The following CCDC30 variants were observed in gnomAD, a reference collection of about 807,000 sequenced individuals.
CCDC30 encodes coiled-coil domain-containing protein 30.
A neutral mutation model predicts 100.2 loss-of-function variants in CCDC30; 70 were observed. That is an observed-to-expected ratio of 0.70 (90% CI 0.58 to 0.85). The LOEUF (loss-of-function observed/expected upper bound fraction) is 0.85. Ranked by LOEUF, CCDC30 falls within the 40% of genes least tolerant of loss-of-function variation. The probability of loss-of-function intolerance (pLI) is 0.00; values close to 1 mark genes in which losing one functional copy is unlikely to be tolerated. For synonymous variants in CCDC30, 233 were observed against 269.5 expected (o/e 0.86, Z 1.33); for missense variants, 652 against 771.2 (o/e 0.85, Z 1.83).
chr1:42,493,035 C>G (rs1454882890), intron 4 of CCDC30, among the ~76,000 whole-genome samples: 2 of 151,960 alleles, frequency 1.3e-5, no homozygotes, highest in East Asian at 3.8e-4. Context: ...AATGAAAATG[C>G]AACAATATCA....
At chr1:42,558,839 T>A (rs559329693) in intron 6 of CCDC30, among the ~76,000 whole-genome samples, 1 of 152,230 alleles carries the variant, frequency 6.6e-6, no homozygotes, top group African/African-American at 2.4e-5. Flanking sequence ...CCAAGACACA[T>A]AATCATCAGA....
At chr1:42,539,392 C>A in intron 6 of CCDC30, 82 bp downstream of exon 8, 1 of 1,277,774 alleles carries the variant, frequency 7.8e-7, no homozygotes, top group Non-Finnish European at 1.1e-6. Context: ...TAATTTTAAG[C>A]AACAGATGAT....
In CCDC30 at chr1:42,514,598, T is replaced by G. The variant is rs145976194; in HGVS notation, c.456+15682T>G. Reference sequence around the variant, plus strand: ...ATTTTAATGGAGTTATTTATTCTTTTTGTTGAGTCTCAGGAGCTCTTTATA... The same window carrying G: ...ATTTTAATGGAGTTATTTATTCTTTGTGTTGAGTCTCAGGAGCTCTTTATA... On this transcript the variant is annotated intron_variant, in intron 6 of 16. Transcript: ENST00000668663. Among the ~76,000 whole-genome samples the G allele has an allele frequency of 2.3e-3, 345 of 152,318 alleles. 2 individuals carry two copies. Among genetic ancestry groups the G allele is most frequent in the African/African-American group, 8.0e-3 (332 of 41,574 alleles).
Position 42,589,498 on chromosome 1 carries a change from A to T in CCDC30, c.1164+15A>T. On this transcript the variant is annotated intron_variant, in intron 10 of 16. Transcript: ENST00000668663. ...AATATGATGAGGTAAGAAAGTAAATAGACATGCTTCTCAGTTTTCCTATTC... is the reference window on the plus strand; with the variant it reads ...AATATGATGAGGTAAGAAAGTAAATTGACATGCTTCTCAGTTTTCCTATTC... 5 of 1,606,192 alleles carry T rather than the reference A, an allele frequency of 3.1e-6. No individual in the cohort carries two copies. The highest frequency in any genetic ancestry group is 4.3e-6 in the Non-Finnish European group (5 of 1,173,690).
At chr1:42,461,799 C>A (rs1643420244), upstream of CCDC30, among the ~76,000 whole-genome samples, 1 of 152,122 alleles carries the variant, frequency 6.6e-6, no homozygotes, top group Admixed American at 6.6e-5. Context: ...CCCGCCCCGG[C>A]CTTCCAAAGT....
At chr1:42,576,914 G>A (rs1645849568) in intron 7 of CCDC30, 106 bp from the exon 12 acceptor site, 1 of 748,664 alleles carries the variant, frequency 1.3e-6, no homozygotes, top group Non-Finnish European at 2.2e-6. Flanking sequence ...TGTGACATTG[G>A]TATTTGTTGG....
chr1:42,477,096 C>G (rs1017474589), intron 1 of CCDC30, among the ~76,000 whole-genome samples: 28 of 151,166 alleles, frequency 1.9e-4, no homozygotes, highest in Non-Finnish European at 3.7e-4. Context: ...TTTTTTTCCC[C>G]CCTCTACAAA....
At chr1:42,491,485 AG>A (rs1241361568) in intron 4 of CCDC30, among the ~76,000 whole-genome samples, 1 of 148,002 alleles carries the variant, frequency 6.8e-6, no homozygotes, top group East Asian at 2.0e-4. Flanking sequence ...TTTCAGTGGG[AG>A]GTGGGGAATG....
intron 6 of CCDC30, among the ~76,000 whole-genome samples, chr1:42,528,090 T>C (rs554495176): frequency 1.9e-4 from 29 of 152,214 alleles, no homozygotes; most frequent in African/African-American, 7.0e-4. Context: ...GGTCTCGAAC[T>C]CCTGACCTCA....
chr1:42,641,954 G>GCA (rs1557487462), intron 12 of CCDC30, among the ~76,000 whole-genome samples: 5 of 152,132 alleles, frequency 3.3e-5, no homozygotes, highest in Non-Finnish European at 5.9e-5. Context: ...GGCTGGGCAT[G>GCA]GTGGCTCACG....
At chr1:42,502,703 C>G (rs182071383) in intron 6 of CCDC30, among the ~76,000 whole-genome samples, 83 of 152,270 alleles carry the variant, frequency 5.5e-4, no homozygotes, top group Non-Finnish European at 9.7e-4. Context: ...TACCTGCCCC[C>G]TCCCCCCAGC....
At chr1:42,499,202 T>G (rs1644270646) in intron 6 of CCDC30, among the ~76,000 whole-genome samples, 1 of 152,174 alleles carries the variant, frequency 6.6e-6, no homozygotes. Context: ...CATGGAGAAC[T>G]AATAAGATGT....
chr1:42,488,960 G>T (rs2148464064), intron 3 of CCDC30, among the ~76,000 whole-genome samples: 1 of 152,262 alleles, frequency 6.6e-6, no homozygotes, highest in South Asian at 2.1e-4. Context: ...AGACCAGGCA[G>T]TATTAGACTA....
intron 6 of CCDC30, among the ~76,000 whole-genome samples, chr1:42,561,171 C>T (rs890452554): frequency 2.6e-5 from 4 of 152,174 alleles, no homozygotes; most frequent in African/African-American, 9.7e-5. Flanking sequence ...AACTTCAGGC[C>T]AATATCCCTG....
intron 11 of CCDC30, among the ~76,000 whole-genome samples, chr1:42,615,378 A>G (rs1646706430): frequency 6.6e-6 from 1 of 151,878 alleles, no homozygotes; most frequent in Non-Finnish European, 1.5e-5. Context: ...GCTCACCGCA[A>G]CCTCTACCTC....
intron 1 of CCDC30, among the ~76,000 whole-genome samples, chr1:42,467,393 G>A (rs1266622279): frequency 6.6e-6 from 1 of 152,214 alleles, no homozygotes; most frequent in Non-Finnish European, 1.5e-5. Context: ...CCTAGACATG[G>A]AGAGGATGAA....
chr1:42,467,431 A>G (rs1336028603), intron 1 of CCDC30, among the ~76,000 whole-genome samples: 1 of 152,216 alleles, frequency 6.6e-6, no homozygotes, highest in Non-Finnish European at 1.5e-5. Flanking sequence ...AAGTACTGCA[A>G]ATTCAGTGAC....
intron 10 of CCDC30, 169 bp downstream of exon 14, chr1:42,589,652 A>C (rs1024385548): frequency 1.8e-6 from 1 of 556,442 alleles, no homozygotes; most frequent in African/African-American, 1.9e-5. Context: ...AACACAGGGA[A>C]TAAGAGCTTA....
chr1:42,503,314 A>T (rs1644348878), intron 6 of CCDC30, among the ~76,000 whole-genome samples: 1 of 152,192 alleles, frequency 6.6e-6, no homozygotes, highest in Admixed American at 6.5e-5. Flanking sequence ...GAAAAGAGAG[A>T]GGAGAGCAGC....
Sources: gnomAD v4.1 joint callset for allele counts (sites outside exome capture counted in the v4.1 genomes callset) on GRCh38, gnomAD v4.1.1 for gene constraint, MANE v1.5 for transcripts, NCBI Gene and HGNC (gene_info 2026-07-23, HGNC 2026-07-21) for gene names.